The following GABRA6 variants were observed in gnomAD, a reference collection of about 807,000 sequenced individuals.
GABRA6 encodes the protein gamma-aminobutyric acid receptor subunit alpha-6.
In GABRA6, 45 loss-of-function variants were observed where a neutral mutation model predicts 47.3. The observed-to-expected ratio is 0.95, with a 90% CI of 0.75 to 1.22. The LOEUF is 1.22. Ranked by LOEUF, GABRA6 falls within the 50% of genes most tolerant of loss-of-function variation. The pLI is 0.00. For missense variants in GABRA6, 583 were observed against 549.3 expected, an observed-to-expected ratio of 1.06 and a Z score of -0.61; for synonymous variants, 219 against 194.7, an observed-to-expected ratio of 1.12 and a Z score of -1.04.
intron 8 of GABRA6, among the ~76,000 whole-genome samples, chr5:161,693,666 A>T (rs556422308): frequency 6.6e-6 from 1 of 151,748 alleles, no homozygotes; most frequent in Admixed American, 6.6e-5. Context: ...ATAAAAAAAA[A>T]AATTGCTCTG....
rs1306452386 is a variant in GABRA6 at position 161,690,316 on chromosome 5, G to A, written c.789G>A (p.Trp263Ter). Residue 263 changes from tryptophan (W) to a stop codon, truncating the protein, a stop_gained, in exon 7 of 9, where the codon TGG (tryptophan) becomes TGA (stop). Coordinates refer to ENST00000274545, the MANE Select transcript of GABRA6 (RefSeq NM_000811.3). LOFTEE classifies it high-confidence loss of function. ...TCATTCTTTCCCAGGTGTCTTTCTG[G>A]ATTAATAAGGAGTCCGTCCCAGCAA... ...MTVILSQVSFWINKESVPART... is the reference protein window; with the variant it reads ...MTVILSQVSF The A allele has an allele frequency of 3.7e-6, 6 of 1,613,706 alleles. No individual in the cohort carries two copies. The highest frequency in any genetic ancestry group is 5.1e-6 in the Non-Finnish European group (6 of 1,179,876).
At chr5:161,688,247 T>C (rs1262972175) in intron 3 of GABRA6, among the ~76,000 whole-genome samples, 1 of 152,212 alleles carries the variant, frequency 6.6e-6, no homozygotes, top group African/African-American at 2.4e-5. Context: ...AAAGCAATTA[T>C]TGGCAATACT....
intron 8 of GABRA6, among the ~76,000 whole-genome samples, chr5:161,698,540 G>A (rs6556559): frequency 1.3e-5 from 2 of 151,704 alleles, no homozygotes; most frequent in Admixed American, 1.3e-4. Context: ...ATATGTATAT[G>A]TGTATATATA....
At chr5:161,700,961 T>G (rs1235352592) in intron 8 of GABRA6, among the ~76,000 whole-genome samples, 1 of 152,232 alleles carries the variant, frequency 6.6e-6, no homozygotes, top group Non-Finnish European at 1.5e-5. Context: ...ATTTATTTTT[T>G]AAATCCTTAA....
intron 7 of GABRA6, among the ~76,000 whole-genome samples, chr5:161,691,580 G>A (rs1051778017): frequency 6.6e-6 from 1 of 151,778 alleles, no homozygotes; most frequent in African/African-American, 2.4e-5. Flanking sequence ...GATTACAGGC[G>A]TGAACCACCG....
chr5:161,688,021 AAAC>A (rs1203827405), intron 3 of GABRA6, among the ~76,000 whole-genome samples: 5 of 152,260 alleles, frequency 3.3e-5, no homozygotes, highest in Admixed American at 3.3e-4. Context: ...CTCCAAGTAT[AAAC>A]AACTACAACA....
At chr5:161,694,098 T>C (rs1413207313) in intron 8 of GABRA6, among the ~76,000 whole-genome samples, 3 of 152,164 alleles carry the variant, frequency 2.0e-5, no homozygotes, top group African/African-American at 7.2e-5. Context: ...GTTAAAACCA[T>C]TTTTTGTCAT....
At chr5:161,686,120 A>T in intron 1 of GABRA6, 93 bp downstream of exon 1, 1 of 1,400,110 alleles carries the variant, frequency 7.1e-7, no homozygotes, top group Non-Finnish European at 1.0e-6. Context: ...AAATCATGAA[A>T]GAGGCCAGAA....
rs766101763 is a variant in GABRA6 at position 161,689,049 on chromosome 5, G to C, written c.326G>C (p.Ser109Thr). Reference protein sequence around the residue: ...EILSLNNLMVSKIWTPDTFFR... With the variant: ...EILSLNNLMVTKIWTPDTFFR... Reference sequence around the variant, plus strand: ...CTGAGTCTGAATAATTTGATGGTCAGTAAAATCTGGACGCCTGACACCTTT... The same window carrying C: ...CTGAGTCTGAATAATTTGATGGTCACTAAAATCTGGACGCCTGACACCTTT... The change falls in exon 4 of 9, where the codon AGT (serine) becomes ACT (threonine). Residue 109 changes from serine to threonine, a missense_variant. Ser to Thr is a moderately conservative substitution (Grantham distance 58). Transcript: ENST00000274545. 3.7e-6 allele frequency: 6 copies of C among 1,614,058 alleles called. No homozygotes were observed. In the Admixed American group the frequency reaches 1.0e-4, roughly 27 times the overall value.
Position 161,691,926 on chromosome 5 carries a change from T to G in GABRA6, c.827-15T>G. On this transcript the variant is annotated splice_polypyrimidine_tract_variant and intron_variant, in intron 7 of 8. Transcript: ENST00000274545. ...CCAGTACTAATATTACAATTCCTAT[T>G]CTTTTTTATTTTAGGGATCACCACT... 1 of 1,610,900 alleles carries G rather than the reference T, an allele frequency of 6.2e-7. No homozygotes were observed. Among genetic ancestry groups the G allele is most frequent in the Non-Finnish European group, 8.5e-7 (1 of 1,177,252 alleles).
intron 7 of GABRA6, 33 bp downstream of exon 7, chr5:161,690,386 C>T (rs985222071): frequency 6.3e-7 from 1 of 1,592,922 alleles, no homozygotes; most frequent in Non-Finnish European, 8.6e-7. Context: ...CACGTACATT[C>T]ATCCTCCACC....
At chr5:161,694,882 T>C (rs1754861779) in intron 8 of GABRA6, among the ~76,000 whole-genome samples, 1 of 152,170 alleles carries the variant, frequency 6.6e-6, no homozygotes, top group South Asian at 2.1e-4. Flanking sequence ...TGTCAAACCT[T>C]GGCAAGTTGT....
chr5:161,692,954 G>A (rs1272133663), intron 8 of GABRA6, among the ~76,000 whole-genome samples: 1 of 152,062 alleles, frequency 6.6e-6, no homozygotes, highest in Non-Finnish European at 1.5e-5. Flanking sequence ...CAATTAAGCT[G>A]AACATACTTA....
intron 8 of GABRA6, among the ~76,000 whole-genome samples, chr5:161,697,801 C>T (rs887978737): frequency 4.6e-5 from 7 of 152,166 alleles, no homozygotes; most frequent in Non-Finnish European, 8.8e-5. Context: ...AGAGCGCGGT[C>T]TGTGGCATCA....
chr5:161,698,776 T>C (rs186681044), intron 8 of GABRA6, among the ~76,000 whole-genome samples: 4 of 152,246 alleles, frequency 2.6e-5, no homozygotes, highest in East Asian at 3.9e-4. Context: ...CTCTCCTTGT[T>C]CTCTTAACTC....
At chr5:161,686,055 T>G (rs1381766865) in intron 1 of GABRA6, 28 bp downstream of exon 1, 1 of 1,607,950 alleles carries the variant, frequency 6.2e-7, no homozygotes, top group Non-Finnish European at 8.5e-7. Context: ...TCCTGATTTT[T>G]CTTTTTATCT....
rs113239794 is a variant in GABRA6, at chr5:161,689,062, G to A, written c.339G>A (p.Thr113=). ...LNNLMVSKIW[T]PDTFFRNGKK... ...ATTTGATGGTCAGTAAAATCTGGAC[G>A]CCTGACACCTTTTTCAGAAATGGTA... The change falls in exon 4 of 9, where the codon ACG becomes ACA. Residue 113 remains threonine (T), a synonymous_variant. Transcript: ENST00000274545. 2.3e-4 allele frequency: 366 copies of A among 1,613,992 alleles called. 3 individuals carry two copies. The highest frequency in any genetic ancestry group is 9.2e-4 in the African/African-American group (69 of 75,022).
At chr5:161,700,063 C>T (rs1323647249) in intron 8 of GABRA6, among the ~76,000 whole-genome samples, 1 of 152,144 alleles carries the variant, frequency 6.6e-6, no homozygotes, top group East Asian at 1.9e-4. Context: ...TATTTAGATA[C>T]CCAGTAAGTT....
intron 8 of GABRA6, among the ~76,000 whole-genome samples, chr5:161,692,730 T>C (rs1754815355): frequency 6.6e-6 from 1 of 152,212 alleles, no homozygotes; most frequent in Non-Finnish European, 1.5e-5. Context: ...CATTTTCATA[T>C]TCACATTTGT....
Sources: gnomAD v4.1 joint callset for allele counts (sites outside exome capture counted in the v4.1 genomes callset) on GRCh38, gnomAD v4.1.1 for gene constraint, MANE v1.5 for transcripts, NCBI Gene and HGNC (gene_info 2026-07-23, HGNC 2026-07-21) for gene names.